PLA2G4A: variants seen among roughly 807,000 people sequenced by gnomAD.
PLA2G4A encodes cytosolic phospholipase A2.
In PLA2G4A, 40 loss-of-function variants were observed where a neutral mutation model predicts 81.9. The observed-to-expected ratio is 0.49, with a 90% CI of 0.38 to 0.64. The LOEUF is 0.64. Ranked by LOEUF, PLA2G4A falls within the 30% of genes least tolerant of loss-of-function variation. The pLI is 0.00. For synonymous variants in PLA2G4A, 302 were observed against 296.9 expected, an observed-to-expected ratio of 1.02 and a Z score of -0.18; for missense variants, 715 against 905.1, an observed-to-expected ratio of 0.79 and a Z score of 2.69.
intron 1 of PLA2G4A, among the ~76,000 whole-genome samples, chr1:186,853,018 T>C (rs6682761): frequency 0.76 from 115,754 of 151,718 alleles, 44,704 homozygotes; most frequent in South Asian, 0.83. Flanking sequence ...GCTTAAGAAG[T>C]AAGTGATGAA....
chr1:186,855,090 C>A (rs1327870490), intron 2 of PLA2G4A, among the ~76,000 whole-genome samples: 1 of 151,964 alleles, frequency 6.6e-6, no homozygotes. Flanking sequence ...ATATCATCCT[C>A]TTTCTTGCCC....
chr1:186,861,574 T>C (rs1357189927), intron 2 of PLA2G4A, among the ~76,000 whole-genome samples: 1 of 152,148 alleles, frequency 6.6e-6, no homozygotes, highest in Non-Finnish European at 1.5e-5. Context: ...TTATCATGAG[T>C]GGAATTCCCT....
intron 8 of PLA2G4A, among the ~76,000 whole-genome samples, chr1:186,934,978 A>C (rs1189692171): frequency 1.3e-5 from 2 of 151,882 alleles, no homozygotes; most frequent in Non-Finnish European, 2.9e-5. Context: ...CATTTTAGCT[A>C]TTACCACCAA....
At chr1:186,974,227 T>C (rs1221398215) in intron 15 of PLA2G4A, among the ~76,000 whole-genome samples, 1 of 152,222 alleles carries the variant, frequency 6.6e-6, no homozygotes, top group African/African-American at 2.4e-5. Flanking sequence ...TTCATTTCTA[T>C]GGTATTTATT....
chr1:186,904,176 T>A (rs897259200), intron 5 of PLA2G4A, among the ~76,000 whole-genome samples: 27 of 152,196 alleles, frequency 1.8e-4, no homozygotes, highest in Non-Finnish European at 7.3e-5. Context: ...GCTGGGGAAT[T>A]TAAAGATGAC....
chr1:186,929,392 A>T (rs909182745), intron 7 of PLA2G4A, among the ~76,000 whole-genome samples: 1 of 152,250 alleles, frequency 6.6e-6, no homozygotes, highest in African/African-American at 2.4e-5. Flanking sequence ...TTCTTGACAC[A>T]TCTAATTTCC....
Position 186,932,872 on chromosome 1 carries a change from A to G in PLA2G4A, c.668A>G (p.Tyr223Cys). 6.2e-7 allele frequency: 1 copy of G among 1,612,682 alleles called. No homozygotes were observed. Among genetic ancestry groups the G allele is most frequent in the Non-Finnish European group, 8.5e-7 (1 of 1,178,772 alleles). Residue 223 changes from tyrosine (Y) to cysteine (C), a missense_variant, in exon 8 of 18, where the codon TAC (tyrosine) becomes TGC (cysteine). Transcript: ENST00000367466. ...TCAGGAATTCTGGATTGTGCTACCT[A>G]CGTTGCTGGTCTTTCTGGCTCCACC... ...YESGILDCAT[Y>C]VAGLSGSTWY...
chr1:186,985,522 T>C (rs1309848663), intron 17 of PLA2G4A, among the ~76,000 whole-genome samples: 3 of 152,182 alleles, frequency 2.0e-5, no homozygotes, highest in African/African-American at 7.2e-5. Flanking sequence ...TATACTTAAC[T>C]TTCTCTCTTG....
chr1:186,936,783 T>A (rs12077935), intron 8 of PLA2G4A, among the ~76,000 whole-genome samples: 45 of 152,062 alleles, frequency 3.0e-4, no homozygotes, highest in East Asian at 1.9e-3. Flanking sequence ...AAAATGCATA[T>A]AGATAAAAAG....
chr1:186,863,489 G>A (rs75372392), intron 2 of PLA2G4A, among the ~76,000 whole-genome samples: 7,989 of 151,964 alleles, frequency 0.053, 696 homozygotes, highest in African/African-American at 0.18. Context: ...ACATCTTTGT[G>A]GTGAGCACAT....
At chr1:186,852,747 G>A (rs1652418922) in intron 1 of PLA2G4A, among the ~76,000 whole-genome samples, 1 of 151,872 alleles carries the variant, frequency 6.6e-6, no homozygotes, top group African/African-American at 2.4e-5. Flanking sequence ...CATTACATTA[G>A]CAATGAAATT....
intron 7 of PLA2G4A, among the ~76,000 whole-genome samples, chr1:186,921,137 AC>A (rs993702402): frequency 3.9e-5 from 6 of 152,060 alleles, no homozygotes; most frequent in Non-Finnish European, 8.8e-5. Flanking sequence ...GCCTCACGGT[AC>A]CGTCTTAGCC....
intron 7 of PLA2G4A, among the ~76,000 whole-genome samples, chr1:186,923,157 C>T (rs1335043303): frequency 6.6e-6 from 1 of 152,158 alleles, no homozygotes; most frequent in African/African-American, 2.4e-5. Flanking sequence ...CACAAGCCAC[C>T]ATGCCTGGCC....
chr1:186,900,329 G>A (rs752067053), intron 5 of PLA2G4A, among the ~76,000 whole-genome samples: 5 of 152,056 alleles, frequency 3.3e-5, no homozygotes, highest in East Asian at 1.9e-4. Flanking sequence ...AGGTTAATGC[G>A]TAAAACATAT....
intron 3 of PLA2G4A, among the ~76,000 whole-genome samples, chr1:186,875,921 T>C (rs1653480379): frequency 6.6e-6 from 1 of 152,184 alleles, no homozygotes; most frequent in Non-Finnish European, 1.5e-5. Context: ...AACTTTCACC[T>C]TTCACACATT....
At position 186,875,558 on chromosome 1, in the gene PLA2G4A, TAC is replaced by T. The variant is rs201865714; in HGVS notation, c.115+5056_115+5057del. On this transcript the variant is annotated intron_variant, in intron 3 of 17. Transcript: ENST00000367466. ...AATGATTAATGCATGAAATGTACTATACACACACACACACATTTACAAATATA... is the reference window on the plus strand; with the variant it reads ...AATGATTAATGCATGAAATGTACTATACACACACACACATTTACAAATATA... Among the ~76,000 whole-genome samples the T allele has an allele frequency of 3.4e-4, 51 of 151,798 alleles. No individual in the cohort carries two copies. The South Asian group carries it at 4.2e-3, about 12-fold the overall frequency.
chr1:186,918,622 A>C (rs1655232132), intron 7 of PLA2G4A, among the ~76,000 whole-genome samples: 1 of 152,204 alleles, frequency 6.6e-6, no homozygotes, highest in African/African-American at 2.4e-5. Flanking sequence ...CTCCCAGTCT[A>C]CTGATGATGC....
chr1:186,957,742 G>A (rs753168030), intron 14 of PLA2G4A, among the ~76,000 whole-genome samples: 6 of 152,188 alleles, frequency 3.9e-5, no homozygotes, highest in Non-Finnish European at 8.8e-5. Context: ...AGATCCTCAA[G>A]AATAATTCCC....
intron 1 of PLA2G4A, among the ~76,000 whole-genome samples, chr1:186,831,770 A>G (rs1439280448): frequency 2.6e-5 from 4 of 152,122 alleles, no homozygotes; most frequent in African/African-American, 9.7e-5. Flanking sequence ...TTCAATCAAC[A>G]AATATCTATT....
Sources: gnomAD v4.1 joint callset for allele counts (sites outside exome capture counted in the v4.1 genomes callset) on GRCh38, gnomAD v4.1.1 for gene constraint, MANE v1.5 for transcripts, NCBI Gene and HGNC (gene_info 2026-07-23, HGNC 2026-07-21) for gene names.